Variants in PDGFC observed in about 807,000 individuals in gnomAD.
PDGFC encodes platelet-derived growth factor C.
Under a neutral mutation model 35.5 loss-of-function variants are expected in PDGFC, and 12 were observed. The ratio of observed to expected loss-of-function variants is 0.34; its 90% confidence interval spans 0.22 to 0.55. The LOEUF is 0.55. Ranked by LOEUF, PDGFC falls within the 20% of genes least tolerant of loss-of-function variation. The pLI is 0.91. For missense variants in PDGFC, 322 were observed against 412.4 expected, an observed-to-expected ratio of 0.78 and a Z score of 1.90; for synonymous variants, 159 against 148.8, an observed-to-expected ratio of 1.07 and a Z score of -0.50.
chr4:156,780,657 G>C (rs561737862), intron 3 of PDGFC, among the ~76,000 whole-genome samples: 12 of 152,290 alleles, frequency 7.9e-5, no homozygotes, highest in Admixed American at 7.2e-4. Flanking sequence ...TAAGGGTACA[G>C]AGTTATTTAC....
chr4:156,911,907 G>C (rs376422416), intron 1 of PDGFC, among the ~76,000 whole-genome samples: 1 of 152,142 alleles, frequency 6.6e-6, no homozygotes, highest in African/African-American at 2.4e-5. Context: ...ATGATAGTAT[G>C]ATGACTGGAG....
intron 1 of PDGFC, 97 bp downstream of exon 1, chr4:156,970,689 C>T (rs1023220897): frequency 5.3e-6 from 4 of 754,116 alleles, no homozygotes; most frequent in African/African-American, 5.1e-5. Flanking sequence ...ACCAAAGATA[C>T]CTTCACAGTC....
At chr4:156,794,180 C>T (rs1247756900) in intron 3 of PDGFC, among the ~76,000 whole-genome samples, 1 of 152,062 alleles carries the variant, frequency 6.6e-6, no homozygotes, top group East Asian at 1.9e-4. Context: ...ATAGCCCTGG[C>T]GTTGCTGACA....
chr4:156,964,407 TA>T (rs1043595159), intron 1 of PDGFC, among the ~76,000 whole-genome samples: 19 of 148,456 alleles, frequency 1.3e-4, no homozygotes, highest in Non-Finnish European at 2.5e-4. Flanking sequence ...TATATAGTGA[TA>T]TATATATAAC....
At chr4:156,854,501 T>C (rs1729527374) in intron 1 of PDGFC, among the ~76,000 whole-genome samples, 1 of 152,182 alleles carries the variant, frequency 6.6e-6, no homozygotes, top group African/African-American at 2.4e-5. Context: ...TAAGTTAAAT[T>C]ACTGCTCCCA....
At chr4:156,874,625 A>C (rs1360267901) in intron 1 of PDGFC, among the ~76,000 whole-genome samples, 3 of 152,196 alleles carry the variant, frequency 2.0e-5, no homozygotes, top group African/African-American at 7.2e-5. Flanking sequence ...CACACTTGAG[A>C]AAAAGGAAAG....
chr4:156,885,156 T>TACACACACAC (rs36049782), intron 1 of PDGFC, among the ~76,000 whole-genome samples: 25 of 127,064 alleles, frequency 2.0e-4, no homozygotes, highest in African/African-American at 7.2e-4. Context: ...TGTGCATACA[T>TACACACACAC]ACACACACAC....
rs1732588099 is a variant in PDGFC, at chr4:156,971,319, C to G, written c.-416G>C. 2 of 399,602 alleles carry G rather than the reference C, an allele frequency of 5.0e-6. No individual in the cohort carries two copies. Among genetic ancestry groups the G allele is most frequent in the Non-Finnish European group, 8.8e-6 (2 of 226,720 alleles). 24.8% of individuals were successfully genotyped at this position (399,602 alleles called of 1,614,324 possible). Reference sequence around the variant, plus strand: ...GCGAAAACTCAAGGGTTGCCCGCAGCCAGACTGGAAGCCAAGTCGGCGGCG... The same window carrying G: ...GCGAAAACTCAAGGGTTGCCCGCAGGCAGACTGGAAGCCAAGTCGGCGGCG... On this transcript the variant is annotated 5_prime_UTR_variant, in exon 1 of 6. Coordinates refer to ENST00000502773, the MANE Select transcript of PDGFC (RefSeq NM_016205.3).
chr4:156,905,496 T>C (rs2110783300), intron 1 of PDGFC, among the ~76,000 whole-genome samples: 1 of 152,156 alleles, frequency 6.6e-6, no homozygotes, highest in African/African-American at 2.4e-5. Flanking sequence ...ATTAATAAAG[T>C]TAACCCAAAT....
chr4:156,912,917 C>A (rs1294813411), intron 1 of PDGFC, among the ~76,000 whole-genome samples: 1 of 152,022 alleles, frequency 6.6e-6, no homozygotes, highest in Non-Finnish European at 1.5e-5. Flanking sequence ...TAAGAGGTAT[C>A]TTTCCCTTCA....
intron 1 of PDGFC, among the ~76,000 whole-genome samples, chr4:156,946,776 G>C (rs1413979092): frequency 1.3e-5 from 2 of 152,014 alleles, no homozygotes; most frequent in African/African-American, 2.4e-5. Flanking sequence ...ACTTAGACCA[G>C]AAGGAGAGGG....
At chr4:156,942,041 A>C (rs936455845) in intron 1 of PDGFC, among the ~76,000 whole-genome samples, 5 of 152,110 alleles carry the variant, frequency 3.3e-5, no homozygotes, top group Non-Finnish European at 7.4e-5. Flanking sequence ...CAGATTATGA[A>C]AGCATTCTGA....
intron 1 of PDGFC, among the ~76,000 whole-genome samples, chr4:156,924,879 G>T (rs933940737): frequency 2.0e-5 from 3 of 152,070 alleles, no homozygotes; most frequent in Non-Finnish European, 4.4e-5. Flanking sequence ...CCCTCTTTTT[G>T]CTGGGCAGCA....
chr4:156,967,590 G>A (rs921432705), intron 1 of PDGFC: 6 of 152,156 alleles, frequency 3.9e-5, no homozygotes, highest in African/African-American at 1.2e-4. Flanking sequence ...AGGTAGAAGA[G>A]GCATTCCTCC....
intron 1 of PDGFC, among the ~76,000 whole-genome samples, chr4:156,942,596 G>T (rs746434607): frequency 6.6e-6 from 1 of 150,554 alleles, no homozygotes; most frequent in Non-Finnish European, 1.5e-5. Context: ...AAAATTCTGA[G>T]AAACAGTAAG....
intron 3 of PDGFC, among the ~76,000 whole-genome samples, chr4:156,781,858 T>C (rs1345780786): frequency 1.3e-5 from 2 of 152,194 alleles, no homozygotes; most frequent in South Asian, 2.1e-4. Context: ...TAATAAACAA[T>C]TCAGCACTAT....
intron 1 of PDGFC, among the ~76,000 whole-genome samples, chr4:156,858,973 C>G (rs1452233698): frequency 6.6e-6 from 1 of 152,078 alleles, no homozygotes; most frequent in Admixed American, 6.6e-5. Context: ...CATACAACAT[C>G]TAGATAAAGT....
At chr4:156,965,142 G>A (rs1431293219) in intron 1 of PDGFC, among the ~76,000 whole-genome samples, 1 of 152,134 alleles carries the variant, frequency 6.6e-6, no homozygotes, top group Non-Finnish European at 1.5e-5. Context: ...ACCAATACAT[G>A]AACAAGCTAT....
chr4:156,872,239 T>C (rs535647607), intron 1 of PDGFC, among the ~76,000 whole-genome samples: 19 of 152,140 alleles, frequency 1.2e-4, no homozygotes, highest in Non-Finnish European at 2.5e-4. Flanking sequence ...TATGTGTACA[T>C]AAGCCCAATT....
Sources: gnomAD v4.1 joint callset for allele counts (sites outside exome capture counted in the v4.1 genomes callset) on GRCh38, gnomAD v4.1.1 for gene constraint, MANE v1.5 for transcripts, NCBI Gene and HGNC (gene_info 2026-07-23, HGNC 2026-07-21) for gene names.